DAZAP2: variants seen among roughly 807,000 people sequenced by gnomAD.
DAZAP2 encodes DAZ-associated protein 2.
Under a neutral mutation model 16.2 loss-of-function variants are expected in DAZAP2, and 3 were observed. The observed-to-expected ratio is 0.19, with a 90% confidence interval of 0.08 to 0.48. The LOEUF (loss-of-function observed/expected upper bound fraction) is 0.48. DAZAP2 is among the 20% of genes least tolerant of loss of function. The pLI is 0.98. For synonymous variants in DAZAP2, 69 were observed against 77.6 expected (o/e 0.89, Z 0.58); for missense variants, 172 against 215.9 (o/e 0.80, Z 1.27).
At chr12:51,246,396 G>A, downstream of DAZAP2, 1 of 479,202 alleles carries the variant, frequency 2.1e-6, no homozygotes, top group East Asian at 3.3e-5. Context: ...AAAGAAACGG[G>A]AAGGAGGGAA....
chr12:51,242,631 A>G lies in DAZAP2; in HGVS notation c.*173A>G, dbSNP rs377433711. 1.8e-4 allele frequency: 285 copies of G among 1,560,606 alleles called. No homozygotes were observed. The highest frequency in any genetic ancestry group is 2.3e-4 in the Non-Finnish European group (270 of 1,151,906). ...TTTCAAATTTAATAAGGAACCATGT[A>G]ATGGTAGCAGTACCTCCCTAAAGCA... is the stretch of plus-strand genomic sequence containing the variant. On this transcript the variant is annotated 3_prime_UTR_variant, in exon 4 of 4. Coordinates refer to ENST00000412716, the MANE Select transcript of DAZAP2 (RefSeq NM_014764.4).
intron 1 of DAZAP2, chr12:51,239,251 C>CG (rs1311620377): frequency 3.3e-6 from 1 of 301,254 alleles, no homozygotes; most frequent in African/African-American, 2.2e-5. Context: ...CCGGCGGAGG[C>CG]GGGGCGCCGC....
rs1442851717 is a variant in DAZAP2 at position 51,242,508 on chromosome 12, C to T, written c.*50C>T. ...GGAAAGACATCACATACCTTCAGCACTTCTCACAATGTAACTGCTTTAGTC... is the reference window on the plus strand; with the variant it reads ...GGAAAGACATCACATACCTTCAGCATTTCTCACAATGTAACTGCTTTAGTC... On this transcript the variant is annotated 3_prime_UTR_variant, in exon 4 of 4. Coordinates refer to ENST00000412716, the MANE Select transcript of DAZAP2 (RefSeq NM_014764.4). 6 of 1,613,626 alleles carry T rather than the reference C, an allele frequency of 3.7e-6. No individual in the cohort carries two copies. The highest frequency in any genetic ancestry group is 5.1e-6 in the Non-Finnish European group (6 of 1,180,038).
Position 51,243,124 on chromosome 12 carries a change from T to A in DAZAP2, c.*666T>A. ...CTCTGTGCCCCAAGTACAGATGCCA[T>A]TACTTCTGCTTTCGTATCTCCTCAG... On this transcript the variant is annotated 3_prime_UTR_variant, in exon 4 of 4. Transcript: ENST00000412716. 1.0e-6 allele frequency: 1 copy of A among 986,114 alleles called. No individual in the cohort carries two copies. Among genetic ancestry groups the A allele is most frequent in the Non-Finnish European group, 1.2e-6 (1 of 830,300 alleles). The allele number at this position is 986,114 out of a possible 1,614,324, so 61.1% of individuals were successfully genotyped here. A position where few individuals can be genotyped will look rare whatever the true frequency, so the allele number is the denominator to read the frequency against.
rs543021650 is a variant in DAZAP2, at chr12:51,240,204, C to G, written c.14-139C>G. The G allele has an allele frequency of 4.6e-4, 323 of 697,084 alleles. 2 individuals are homozygous for G. The highest frequency in any genetic ancestry group is 4.2e-3 in the African/African-American group (238 of 56,676). 43.2% of individuals were successfully genotyped at this position (697,084 alleles called of 1,614,324 possible). ...AAAGACAATGCATATTTTCTTAGTT[C>G]CAGGAATCAGGCCCTCTGGGGCAGA... is the stretch of plus-strand genomic sequence containing the variant. On this transcript the variant is annotated intron_variant, in intron 1 of 3. Transcript: ENST00000412716.
Position 51,243,272 on chromosome 12 carries a change from C to T in DAZAP2, c.*814C>T, listed in dbSNP as rs1944713919. Reference sequence around the variant, plus strand: ...TGTTTGAACAAAGATGTCGTGCAAACTGTACTGTGAACAACAGTTGGTTTA... The same window carrying T: ...TGTTTGAACAAAGATGTCGTGCAAATTGTACTGTGAACAACAGTTGGTTTA... On this transcript the variant is annotated 3_prime_UTR_variant, in exon 4 of 4. Coordinates refer to ENST00000412716, the MANE Select transcript of DAZAP2 (RefSeq NM_014764.4). 1 of 985,912 alleles carries T rather than the reference C, an allele frequency of 1.0e-6. No homozygotes were observed. 61.1% of individuals were successfully genotyped at this position (985,912 alleles called of 1,614,324 possible). A position where few individuals can be genotyped will look rare whatever the true frequency, so the allele number is the denominator to read the frequency against.
At chr12:51,246,704 T>C (rs375988755), downstream of DAZAP2, 903 of 1,436,734 alleles carry the variant, frequency 6.3e-4, 13 homozygotes, top group South Asian at 0.011. Flanking sequence ...TGGAGAGAGA[T>C]GCCCTTGATC....
In DAZAP2 at chr12:51,242,917, C is replaced by T. The variant is rs562967636; in HGVS notation, c.*459C>T. 187 of 1,140,228 alleles carry T rather than the reference C, an allele frequency of 1.6e-4. No homozygotes were observed. The highest frequency in any genetic ancestry group is 2.0e-4 in the Non-Finnish European group (182 of 928,424). 70.6% of individuals were successfully genotyped at this position (1,140,228 alleles called of 1,614,324 possible). On this transcript the variant is annotated 3_prime_UTR_variant, in exon 4 of 4. Transcript: ENST00000412716. ...GGAACGCATTAGTTGTCTGCCTTTT[C>T]CTTTCCATCCCTTGCCCCACCCATC...
At chr12:51,245,398 A>C (rs1228577834), downstream of DAZAP2, 2 of 152,824 alleles carry the variant, frequency 1.3e-5, no homozygotes, top group Non-Finnish European at 2.9e-5. Flanking sequence ...TCACGTAAGC[A>C]TGAGGTTGTT....
chr12:51,239,218 C>T (rs1944615585), intron 1 of DAZAP2: 1 of 425,604 alleles, frequency 2.3e-6, no homozygotes, highest in African/African-American at 2.1e-5. Context: ...CTAGCGCAGG[C>T]ATTCGCGTAG....
rs1386888416 is a variant in DAZAP2, at chr12:51,243,687, T to A, written c.*1229T>A. ...GGAAGTTCAGCGTTGTATGTCTCTC[T>A]CTACACTGTGGTGCACTTAACTTGT... is the stretch of plus-strand genomic sequence containing the variant. On this transcript the variant is annotated 3_prime_UTR_variant, in exon 4 of 4. Coordinates refer to ENST00000412716, the MANE Select transcript of DAZAP2 (RefSeq NM_014764.4). The A allele has an allele frequency of 2.0e-6, 2 of 985,770 alleles. No homozygotes were observed. The highest frequency in any genetic ancestry group is 2.4e-6 in the Non-Finnish European group (2 of 829,814). 61.1% of individuals were successfully genotyped at this position (985,770 alleles called of 1,614,324 possible).
downstream of DAZAP2, chr12:51,244,871 C>T (rs1944745342): frequency 7.6e-6 from 1 of 131,782 alleles, no homozygotes. Context: ...GTTGCCCAGG[C>T]TGGAGTATAG....
chr12:51,245,984 C>T, downstream of DAZAP2: 3 of 1,613,916 alleles, frequency 1.9e-6, no homozygotes, highest in Non-Finnish European at 8.5e-7. Context: ...GGCCAAGTCA[C>T]TCTCCATCTG....
intron 2 of DAZAP2, 59 bp from the exon 3 acceptor site, chr12:51,240,812 G>A (rs1288816194): frequency 6.3e-7 from 1 of 1,582,054 alleles, no homozygotes; most frequent in Non-Finnish European, 8.6e-7. Context: ...GCTCATTAAA[G>A]AGATCTCAAA....
rs771543021 is a variant in DAZAP2 at position 51,240,485 on chromosome 12, A to G, written c.132+24A>G. 1.5e-5 allele frequency: 23 copies of G among 1,578,252 alleles called. No individual in the cohort carries two copies. In the Middle Eastern group the frequency reaches 5.0e-4, roughly 35 times the overall value. On this transcript the variant is annotated intron_variant, in intron 2 of 3. Coordinates refer to ENST00000412716, the MANE Select transcript of DAZAP2 (RefSeq NM_014764.4). ...AGGTGCTTCCAGTTTGCCAGATTTG[A>G]ACTAGCTGGGAATACTCTTAGGGTG...
At chr12:51,239,586 C>T (rs1191848735) in intron 1 of DAZAP2, 2 of 152,208 alleles carry the variant, frequency 1.3e-5, no homozygotes, top group Non-Finnish European at 2.9e-5. Flanking sequence ...CGAGACCAGC[C>T]TGGCCAACGT....
intron 3 of DAZAP2, among the ~76,000 whole-genome samples, chr12:51,241,973 T>C (rs1367598742): frequency 1.3e-5 from 2 of 151,216 alleles, no homozygotes; most frequent in East Asian, 1.9e-4. Flanking sequence ...GTAGGGACCA[T>C]GTGGGATTCA....
chr12:51,246,517 C>A (rs1300064485), downstream of DAZAP2: 3 of 448,806 alleles, frequency 6.7e-6, no homozygotes, highest in Non-Finnish European at 1.2e-5. Context: ...TCAAGTGTAA[C>A]GTCCGTATGC....
Position 51,240,097 on chromosome 12 carries a change from C to T in DAZAP2, c.14-246C>T, listed in dbSNP as rs1351541803. 7.9e-6 allele frequency: 4 copies of T among 504,436 alleles called. No homozygotes were observed. In the East Asian group the frequency reaches 1.1e-4, roughly 13 times the overall value. The allele number at this position is 504,436 out of a possible 1,614,324, so 31.2% of individuals were successfully genotyped here. The stretch of plus-strand genomic sequence containing the variant: ...ACTTGGGCCCAGGTAGACTTAACCC[C>T]TTACTTCGGTATGTTAGTAGGAGCA... On this transcript the variant is annotated intron_variant, in intron 1 of 3. Transcript: ENST00000412716.
Sources: gnomAD v4.1 joint callset for allele counts (sites outside exome capture counted in the v4.1 genomes callset) on GRCh38, gnomAD v4.1.1 for gene constraint, MANE v1.5 for transcripts, NCBI Gene and HGNC (gene_info 2026-07-23, HGNC 2026-07-21) for gene names.